The following SEMA4D variants were observed in gnomAD, a reference collection of about 807,000 sequenced individuals.
SEMA4D encodes the protein semaphorin-4D.
A neutral mutation model predicts 74.8 loss-of-function variants in SEMA4D; 22 were observed. The observed-to-expected ratio is 0.29, with a 90% CI of 0.21 to 0.42. The LOEUF (loss-of-function observed/expected upper bound fraction) is 0.42. SEMA4D is among the 10% of genes least tolerant of loss of function. SEMA4D has a pLI of 1.00. For missense variants in SEMA4D, 937 were observed against 1,118.4 expected (o/e 0.84, Z 2.31); for synonymous variants, 445 against 463.7 (o/e 0.96, Z 0.52).
chr9:89,437,525 G>A (rs989258246), intron 2 of SEMA4D, among the ~76,000 whole-genome samples: 10 of 152,160 alleles, frequency 6.6e-5, no homozygotes, highest in Admixed American at 3.3e-4. Flanking sequence ...AGGCGGCAGC[G>A]ACAGGCACTC....
chr9:89,380,970 C>G (rs1836900228), intron 15 of SEMA4D, 85 bp downstream of exon 15: 1 of 1,511,104 alleles, frequency 6.6e-7, no homozygotes, highest in South Asian at 1.1e-5. Flanking sequence ...AAAACACACA[C>G]AAATGCCACA....
chr9:89,491,854 A>G (rs142449901), intron 1 of SEMA4D, among the ~76,000 whole-genome samples: 7 of 152,186 alleles, frequency 4.6e-5, no homozygotes, highest in Non-Finnish European at 8.8e-5. Context: ...GGACAGCCCC[A>G]TGCATCTGTG....
Position 89,388,804 on chromosome 9 carries a change from A to G in SEMA4D, c.951-12T>C. 6.2e-7 allele frequency: 1 copy of G among 1,605,004 alleles called. No homozygotes were observed. Among genetic ancestry groups the G allele is most frequent in the Non-Finnish European group, 8.5e-7 (1 of 1,173,016 alleles). Reference sequence around the variant, plus strand: ...GCCCCACGTTGTTCCTGGGGAGGGGAAAGAGGTGACGGGACCACCTGGCGG... The same window carrying G: ...GCCCCACGTTGTTCCTGGGGAGGGGGAAGAGGTGACGGGACCACCTGGCGG... On this transcript the variant is annotated splice_polypyrimidine_tract_variant and intron_variant, in intron 10 of 15. Coordinates refer to ENST00000422704, the MANE Select transcript of SEMA4D (RefSeq NM_001371194.2).
At position 89,408,487 on chromosome 9, in the gene SEMA4D, T is replaced by G. The variant is rs547294467; in HGVS notation, c.-243-2788A>C. ...ATTAAAAACCAGCTACCCCTCCTTT[T>G]GGAGCAATGATCCCCTGGCATTTTA... On this transcript the variant is annotated intron_variant, in intron 2 of 15. Transcript: ENST00000422704. Among the ~76,000 whole-genome samples, 20 of 152,330 alleles carry G rather than the reference T, an allele frequency of 1.3e-4. No homozygotes were observed. The South Asian group carries it at 3.9e-3, about 30-fold the overall frequency.
At chr9:89,422,908 T>G (rs1184997538) in intron 2 of SEMA4D, among the ~76,000 whole-genome samples, 1 of 152,242 alleles carries the variant, frequency 6.6e-6, no homozygotes, top group African/African-American at 2.4e-5. Context: ...ACACAAGTGC[T>G]GGGATCTTTA....
chr9:89,363,056 A>G (rs1832950513), intron 18 of SEMA4D, among the ~76,000 whole-genome samples: 1 of 152,156 alleles, frequency 6.6e-6, no homozygotes, highest in African/African-American at 2.4e-5. Flanking sequence ...AGCTACCTGG[A>G]GGGTTCCCCA....
chr9:89,395,400 G>C (rs537152974), intron 6 of SEMA4D, among the ~76,000 whole-genome samples: 147 of 151,518 alleles, frequency 9.7e-4, no homozygotes, highest in Non-Finnish European at 1.5e-3. Flanking sequence ...CTCCAGCCTG[G>C]GCAACAAGAG....
intron 16 of SEMA4D, among the ~76,000 whole-genome samples, chr9:89,371,933 T>TCG (rs1444352247): frequency 1.6e-5 from 2 of 126,572 alleles, no homozygotes; most frequent in African/African-American, 6.1e-5. Flanking sequence ...GTGGTGTGTG[T>TCG]GGGGTGTGGT....
intron 1 of SEMA4D, among the ~76,000 whole-genome samples, chr9:89,478,665 T>C (rs977869797): frequency 6.6e-6 from 1 of 152,110 alleles, no homozygotes. Context: ...CGGAATGAGA[T>C]GAAATGAATC....
chr9:89,382,915 G>A (rs1165222608), intron 13 of SEMA4D, among the ~76,000 whole-genome samples: 4 of 152,204 alleles, frequency 2.6e-5, no homozygotes, highest in African/African-American at 9.6e-5. Context: ...GGGGGGCAAG[G>A]CCTGTCCCAA....
intron 3 of SEMA4D, among the ~76,000 whole-genome samples, chr9:89,403,872 T>C (rs1396991295): frequency 6.6e-6 from 1 of 152,130 alleles, no homozygotes; most frequent in African/African-American, 2.4e-5. Flanking sequence ...GAGGCTGCAG[T>C]AAGCTATGAT....
chr9:89,464,403 G>A (rs1188818555), intron 1 of SEMA4D, among the ~76,000 whole-genome samples: 1 of 152,140 alleles, frequency 6.6e-6, no homozygotes, highest in African/African-American at 2.4e-5. Flanking sequence ...GTTGGGGGTG[G>A]GGGGCAACAC....
At position 89,494,634 on chromosome 9, in the gene SEMA4D, G is replaced by T. The variant is rs1000007036; in HGVS notation, c.-310+3285C>A. Among the ~76,000 whole-genome samples, 3 of 152,310 alleles carry T rather than the reference G, an allele frequency of 2.0e-5. No homozygotes were observed. The Middle Eastern group carries it at 0.01, about 518-fold the overall frequency. ...AATCCAATGGCATGTTTTACAGGGA[G>T]GAATTGGAGATCTCCGATTATTATT... is the stretch of plus-strand genomic sequence containing the variant. On this transcript the variant is annotated intron_variant, in intron 1 of 15. Coordinates refer to ENST00000422704, the MANE Select transcript of SEMA4D (RefSeq NM_001371194.2).
In SEMA4D at chr9:89,388,755, G is replaced by A. The variant is rs1253904154; in HGVS notation, c.988C>T (p.Leu330=). The change falls in exon 11 of 16, where the codon CTG becomes TTG. Residue 330 remains leucine (L), a synonymous_variant. Transcript: ENST00000422704. ...VGLSAVCAYN[L]STAEEVFSHG... ...GAGAAGACCTCCTCGGCTGTGGACA[G>A]GTTGTAGGCGCACACTGCCGACAGC... is the stretch of plus-strand genomic sequence containing the variant. The A allele has an allele frequency of 1.9e-6, 3 of 1,610,006 alleles. No homozygotes were observed. The highest frequency in any genetic ancestry group is 2.5e-6 in the Non-Finnish European group (3 of 1,177,884).
chr9:89,470,340 T>TCA (rs906397858), intron 1 of SEMA4D, among the ~76,000 whole-genome samples: 2 of 152,196 alleles, frequency 1.3e-5, no homozygotes, highest in African/African-American at 4.8e-5. Flanking sequence ...AACAGATACT[T>TCA]CACCAAAGAG....
intron 1 of SEMA4D, among the ~76,000 whole-genome samples, chr9:89,476,386 C>A (rs1206325374): frequency 1.3e-5 from 2 of 152,138 alleles, no homozygotes; most frequent in Non-Finnish European, 2.9e-5. Flanking sequence ...AGATATCTGG[C>A]CAATCATTAT....
chr9:89,402,834 T>C (rs1336906800), intron 4 of SEMA4D, 37 bp downstream of exon 4: 1 of 1,592,148 alleles, frequency 6.3e-7, no homozygotes, highest in Non-Finnish European at 8.6e-7. Flanking sequence ...CCACTCAAGC[T>C]GGGCTATGTG....
At chr9:89,368,951 G>C (rs987952794) in intron 16 of SEMA4D, 5 of 152,248 alleles carry the variant, frequency 3.3e-5, no homozygotes, top group Admixed American at 6.5e-5. Context: ...CCAGACCCCA[G>C]GTAACCAGAC....
downstream of SEMA4D, among the ~76,000 whole-genome samples, chr9:89,375,688 CAG>C (rs1835692172): frequency 2.0e-5 from 3 of 152,226 alleles, no homozygotes; most frequent in South Asian, 6.2e-4. Flanking sequence ...GATGACAACA[CAG>C]GGGCCACCAG....
Sources: gnomAD v4.1 joint callset for allele counts (sites outside exome capture counted in the v4.1 genomes callset) on GRCh38, gnomAD v4.1.1 for gene constraint, MANE v1.5 for transcripts, NCBI Gene and HGNC (gene_info 2026-07-23, HGNC 2026-07-21) for gene names.